The following ERG variants were observed in gnomAD, a reference collection of about 807,000 sequenced individuals.
ERG encodes the protein ETS transcription factor ERG.
In ERG, 9 loss-of-function variants were observed where a neutral mutation model predicts 55.3. The ratio of observed to expected loss-of-function variants is 0.16; its 90% CI spans 0.10 to 0.28. The LOEUF (loss-of-function observed/expected upper bound fraction) is 0.28. Ranked by LOEUF, ERG falls within the 10% of genes least tolerant of loss-of-function variation. The pLI, the probability that ERG is intolerant of heterozygous loss-of-function variation, is 1.00. For missense variants in ERG, 434 were observed against 631.6 expected, an observed-to-expected ratio of 0.69 and a Z score of 3.35; for synonymous variants, 223 against 237.3, an observed-to-expected ratio of 0.94 and a Z score of 0.55.
At chr21:38,534,247 T>C (rs1275156519) in intron 2 of ERG, among the ~76,000 whole-genome samples, 1 of 152,186 alleles carries the variant, frequency 6.6e-6, no homozygotes, top group Non-Finnish European at 1.5e-5. Context: ...CAGTAAGTCA[T>C]TACTGACAAG....
intron 2 of ERG, among the ~76,000 whole-genome samples, chr21:38,530,112 T>G (rs1407997960): frequency 6.6e-6 from 1 of 152,136 alleles, no homozygotes; most frequent in Non-Finnish European, 1.5e-5. Flanking sequence ...TGAGCTGGAG[T>G]GCAATGGTGC....
At chr21:38,482,123 G>A (rs1351031916) in intron 1 of ERG, among the ~76,000 whole-genome samples, 1 of 152,190 alleles carries the variant, frequency 6.6e-6, no homozygotes, top group Non-Finnish European at 1.5e-5. Context: ...TCCATGGCCT[G>A]GAAGGGACCA....
intron 1 of ERG, among the ~76,000 whole-genome samples, chr21:38,447,592 A>G (rs1291075786): frequency 1.3e-5 from 2 of 151,198 alleles, no homozygotes; most frequent in African/African-American, 2.4e-5. Flanking sequence ...TGAGTGGCCA[A>G]AACAAGGAAT....
intron 1 of ERG, among the ~76,000 whole-genome samples, chr21:38,464,307 GAAAT>G (rs1402170963): frequency 6.6e-6 from 1 of 152,070 alleles, no homozygotes; most frequent in Non-Finnish European, 1.5e-5. Flanking sequence ...CCAAAGCCCA[GAAAT>G]AAAAGCCTCA....
chr21:38,493,277 C>T (rs2059351883), intron 1 of ERG, among the ~76,000 whole-genome samples: 1 of 152,128 alleles, frequency 6.6e-6, no homozygotes, highest in Admixed American at 6.5e-5. Context: ...AATGGTAATA[C>T]ATATTTTAGA....
chr21:38,480,178 G>C (rs1438751857), intron 1 of ERG, among the ~76,000 whole-genome samples: 1 of 152,134 alleles, frequency 6.6e-6, no homozygotes, highest in Non-Finnish European at 1.5e-5. Context: ...GATGGTACAA[G>C]ACTTCATCAT....
intron 2 of ERG, among the ~76,000 whole-genome samples, chr21:38,429,918 G>A (rs2146522817): frequency 6.6e-6 from 1 of 152,236 alleles, no homozygotes. Context: ...GGATCAAATG[G>A]TAGTTTTACT....
At chr21:38,387,490 C>T (rs1293312965) in intron 9 of ERG, among the ~76,000 whole-genome samples, 1 of 152,178 alleles carries the variant, frequency 6.6e-6, no homozygotes, top group Non-Finnish European at 1.5e-5. Context: ...CTTTGTGGGA[C>T]GTTTGGCAAC....
At chr21:38,464,741 G>A (rs921704029) in intron 1 of ERG, among the ~76,000 whole-genome samples, 1 of 151,680 alleles carries the variant, frequency 6.6e-6, no homozygotes, top group African/African-American at 2.4e-5. Flanking sequence ...AGAGGCCCTG[G>A]TGTGTGATGT....
chr21:38,660,301 G>A (rs1221706020), intron 1 of ERG, among the ~76,000 whole-genome samples: 2 of 152,214 alleles, frequency 1.3e-5, no homozygotes, highest in African/African-American at 4.8e-5. Context: ...CAATTTCGGG[G>A]TGCCCCCTCC....
At chr21:38,398,752 A>G (rs1988347919) in intron 6 of ERG, among the ~76,000 whole-genome samples, 1 of 152,216 alleles carries the variant, frequency 6.6e-6, no homozygotes, top group Non-Finnish European at 1.5e-5. Context: ...TGTCTTAACC[A>G]GGTAGCATCA....
At chr21:38,603,220 G>A (rs1568943017) in intron 1 of ERG, among the ~76,000 whole-genome samples, 1 of 152,036 alleles carries the variant, frequency 6.6e-6, no homozygotes, top group African/African-American at 2.4e-5. Flanking sequence ...CTTACATCCA[G>A]AGCAAGTCCT....
intron 1 of ERG, among the ~76,000 whole-genome samples, chr21:38,651,178 T>C (rs1025227463): frequency 6.6e-6 from 1 of 152,242 alleles, no homozygotes; most frequent in African/African-American, 2.4e-5. Context: ...CAGGAAATTA[T>C]ACATACATTT....
intron 1 of ERG, among the ~76,000 whole-genome samples, chr21:38,642,839 A>C (rs2060433534): frequency 6.6e-6 from 1 of 152,198 alleles, no homozygotes; most frequent in African/African-American, 2.4e-5. Context: ...CTTCCAAAAT[A>C]TGTATGTGTT....
At chr21:38,371,041 A>G in the ERG span, among the ~76,000 whole-genome samples, 1 of 151,974 alleles carries the variant, frequency 6.6e-6, no homozygotes, top group Non-Finnish European at 1.5e-5. Flanking sequence ...TATTAAATCC[A>G]TGTACATGAT....
upstream of ERG, among the ~76,000 whole-genome samples, chr21:38,588,252 C>G (rs1033119649): frequency 1.3e-5 from 2 of 152,178 alleles, no homozygotes; most frequent in African/African-American, 4.8e-5. Flanking sequence ...CCAGCTCAAT[C>G]ACCCCTGGTC....
At chr21:38,377,996 A>G (rs1368619670), downstream of ERG, among the ~76,000 whole-genome samples, 1 of 152,220 alleles carries the variant, frequency 6.6e-6, no homozygotes. Context: ...TGCAGTGCTG[A>G]GAAAATAGGA....
At chr21:38,551,770 A>G (rs1402616913) in intron 2 of ERG, among the ~76,000 whole-genome samples, 2 of 152,136 alleles carry the variant, frequency 1.3e-5, no homozygotes, top group East Asian at 1.9e-4. Context: ...TGCGTAGTCA[A>G]TTTTGAAGTA....
upstream of ERG, among the ~76,000 whole-genome samples, chr21:38,586,475 C>A (rs200421615): frequency 2.6e-5 from 4 of 152,058 alleles, no homozygotes; most frequent in Non-Finnish European, 5.9e-5. Context: ...AGTTCCCCTA[C>A]GCTCAACATC....
Sources: allele counts gnomAD v4.1 joint callset (sites outside exome capture counted in the v4.1 genomes callset), GRCh38; gene constraint gnomAD v4.1.1; transcripts MANE v1.5; gene names NCBI Gene and HGNC (gene_info 2026-07-23, HGNC 2026-07-21).